The following PTPN2 variants were observed in gnomAD, a reference collection of about 807,000 sequenced individuals.
PTPN2 encodes protein tyrosine phosphatase non-receptor type 2.
Under a neutral mutation model 57.3 loss-of-function variants are expected in PTPN2, and 19 were observed. That is an observed-to-expected ratio of 0.33 (90% CI 0.23 to 0.49). PTPN2 has a LOEUF of 0.49. PTPN2 is among the 20% of genes least tolerant of loss of function. The pLI is 0.99. For missense variants in PTPN2, 358 were observed against 501.1 expected, an observed-to-expected ratio of 0.71 and a Z score of 2.73; for synonymous variants, 153 against 164.9, an observed-to-expected ratio of 0.93 and a Z score of 0.55.
At chr18:12,858,459 T>C (rs1347094663) in intron 2 of PTPN2, among the ~76,000 whole-genome samples, 1 of 152,236 alleles carries the variant, frequency 6.6e-6, no homozygotes, top group Non-Finnish European at 1.5e-5. Context: ...TGTGTGCGTC[T>C]GTGTGTGTAT....
At chr18:12,868,114 G>C (rs761580062) in intron 1 of PTPN2, among the ~76,000 whole-genome samples, 6 of 152,172 alleles carry the variant, frequency 3.9e-5, no homozygotes, top group Non-Finnish European at 7.3e-5. Flanking sequence ...ACAAAGGCTT[G>C]TTCTTACCAC....
chr18:12,863,058 G>C (rs2043868994), intron 1 of PTPN2: 1 of 152,032 alleles, frequency 6.6e-6, no homozygotes. Flanking sequence ...TGTCTAAATG[G>C]CATTAGGAAA....
downstream of PTPN2, among the ~76,000 whole-genome samples, chr18:12,788,869 A>G (rs2040911967): frequency 6.6e-6 from 1 of 152,180 alleles, no homozygotes; most frequent in Non-Finnish European, 1.5e-5. Flanking sequence ...AATGTGCTAA[A>G]TATTCAGAAA....
chr18:12,859,139 T>C, intron 2 of PTPN2, 25 bp downstream of exon 2: 3 of 1,586,054 alleles, frequency 1.9e-6, no homozygotes, highest in South Asian at 1.1e-5. Flanking sequence ...AAAATACACA[T>C]GCACACAAAC....
intron 2 of PTPN2, chr18:12,840,708 GA>G (rs1210308325): frequency 6.9e-6 from 11 of 1,598,260 alleles, no homozygotes; most frequent in Non-Finnish European, 9.3e-6. Context: ...CAATTTAAGA[GA>G]TTACCTATTT....
chr18:12,875,848 G>C (rs546192631), intron 1 of PTPN2, among the ~76,000 whole-genome samples: 1 of 152,324 alleles, frequency 6.6e-6, no homozygotes, highest in Admixed American at 6.5e-5. Context: ...GGGACTGAGA[G>C]AGCTGTAACA....
intron 1 of PTPN2, among the ~76,000 whole-genome samples, chr18:12,867,691 C>T (rs556213363): frequency 6.6e-6 from 1 of 152,318 alleles, no homozygotes; most frequent in African/African-American, 2.4e-5. Context: ...AGTGCTCTCT[C>T]CTAACGCTCA....
Position 12,820,263 on chromosome 18 carries a change from T to C in PTPN2, c.496-2898A>G, listed in dbSNP as rs1327997567. The stretch of plus-strand genomic sequence containing the variant: ...TTTGAAAATCAGTTGTTGTTTTTTT[T>C]CCCCCCTACAGAACCAGGACTTTTT... On this transcript the variant is annotated intron_variant, in intron 5 of 8. Transcript: ENST00000309660. Among the ~76,000 whole-genome samples the C allele has an allele frequency of 5.3e-5, 8 of 150,574 alleles. 1 individual carries two copies. Among genetic ancestry groups the C allele is most frequent in the South Asian group, 4.2e-4 (2 of 4,762 alleles).
intron 8 of PTPN2, among the ~76,000 whole-genome samples, chr18:12,800,453 A>G (rs112441921): frequency 2.0e-4 from 31 of 152,176 alleles, no homozygotes; most frequent in African/African-American, 7.0e-4. Context: ...ATTTAAAGAT[A>G]TTCTATTTAA....
chr18:12,838,764 G>C (rs1231165974), intron 2 of PTPN2, among the ~76,000 whole-genome samples: 1 of 132,862 alleles, frequency 7.5e-6, no homozygotes, highest in Non-Finnish European at 1.8e-5. Context: ...TAGCTATTTA[G>C]AACTGACTAC....
Position 12,793,718 on chromosome 18 carries a change from A to G in PTPN2, c.*560T>C, listed in dbSNP as rs4797703. Reference sequence around the variant, plus strand: ...ATACAATTTATTTTTTTAGTAACAGATTTTTCAAATTGAGCTCTTAAAAAG... The same window carrying G: ...ATACAATTTATTTTTTTAGTAACAGGTTTTTCAAATTGAGCTCTTAAAAAG... On this transcript the variant is annotated 3_prime_UTR_variant, in exon 9 of 9. Coordinates refer to ENST00000309660, the MANE Select transcript of PTPN2 (RefSeq NM_002828.4). The G allele has an allele frequency of 6.1e-3, 5,939 of 969,612 alleles. 141 individuals carry two copies. In the Admixed American group the frequency reaches 0.081, roughly 13 times the overall value. 60.1% of individuals were successfully genotyped at this position (969,612 alleles called of 1,614,324 possible). A position where few individuals can be genotyped will look rare whatever the true frequency, so the allele number is the denominator to read the frequency against.
chr18:12,878,169 T>C lies in PTPN2; in HGVS notation c.69+5904A>G, dbSNP rs116832749. Among the ~76,000 whole-genome samples the C allele has an allele frequency of 8.6e-3, 1,304 of 151,678 alleles. 24 individuals carry two copies. Among genetic ancestry groups the C allele is most frequent in the African/African-American group, 0.028 (1,175 of 41,292 alleles). ...CTGGGCAAAATAGTTAAACCCTGTC[T>C]CTACAAAAAATACAAAAAAATTAGC... On this transcript the variant is annotated intron_variant, in intron 1 of 8. Coordinates refer to ENST00000309660, the MANE Select transcript of PTPN2 (RefSeq NM_002828.4).
downstream of PTPN2, among the ~76,000 whole-genome samples, chr18:12,788,810 G>A (rs2040910141): frequency 6.6e-6 from 1 of 152,118 alleles, no homozygotes; most frequent in Admixed American, 6.6e-5. Context: ...ACAGCCTTAG[G>A]AGAAAGCACA....
intron 7 of PTPN2, among the ~76,000 whole-genome samples, chr18:12,807,808 G>T (rs1598754026): frequency 6.6e-6 from 1 of 151,606 alleles, no homozygotes; most frequent in African/African-American, 2.4e-5. Context: ...GGAAGAGGGG[G>T]CATAGTGAGA....
Position 12,846,594 on chromosome 18 carries a change from A to T in PTPN2, c.161-9703T>A, listed in dbSNP as rs138918186. On this transcript the variant is annotated intron_variant, in intron 2 of 8. Coordinates refer to ENST00000309660, the MANE Select transcript of PTPN2 (RefSeq NM_002828.4). Reference sequence around the variant, plus strand: ...CATGTCTTTATGTTCTGTCACTACAAGACATTCCAGGCTATTCTTACACTT... The same window carrying T: ...CATGTCTTTATGTTCTGTCACTACATGACATTCCAGGCTATTCTTACACTT... Among the ~76,000 whole-genome samples, 499 of 152,304 alleles carry T rather than the reference A, an allele frequency of 3.3e-3. 2 individuals are homozygous for T. The highest frequency in any genetic ancestry group is 8.8e-3 in the African/African-American group (367 of 41,558).
intron 5 of PTPN2, among the ~76,000 whole-genome samples, chr18:12,823,409 C>T (rs1280944275): frequency 6.6e-6 from 1 of 152,182 alleles, no homozygotes; most frequent in African/African-American, 2.4e-5. Context: ...CGTGTTGGCT[C>T]ACACCTGTAA....
chr18:12,850,149 A>T, intron 2 of PTPN2, among the ~76,000 whole-genome samples: 1 of 149,810 alleles, frequency 6.7e-6, no homozygotes, highest in Non-Finnish European at 1.5e-5. Context: ...TCATTCTCTT[A>T]TTTTTACTCT....
chr18:12,862,203 G>A (rs961423363), intron 1 of PTPN2: 1 of 150,448 alleles, frequency 6.6e-6, no homozygotes, highest in African/African-American at 2.5e-5. Flanking sequence ...CTGTTGCCCA[G>A]GCTGGAGTGC....
chr18:12,870,385 GTATATATGTATA>G (rs2044186329), intron 1 of PTPN2, among the ~76,000 whole-genome samples: 1 of 34,166 alleles, frequency 2.9e-5, no homozygotes, highest in Non-Finnish European at 4.8e-5. Context: ...ATATATATAC[GTATATATGTATA>G]TATACACGTA....
Sources: allele counts gnomAD v4.1 joint callset (sites outside exome capture counted in the v4.1 genomes callset), GRCh38; gene constraint gnomAD v4.1.1; transcripts MANE v1.5; gene names NCBI Gene and HGNC (gene_info 2026-07-23, HGNC 2026-07-21).